DCC: variants seen among roughly 807,000 people sequenced by gnomAD.
The protein encoded by DCC is netrin receptor DCC.
DCC carries 58 observed loss-of-function variants against 172.5 expected under a neutral mutation model. The observed-to-expected ratio is 0.34, with a 90% CI of 0.27 to 0.42. DCC has a LOEUF of 0.42. Among genes scored for constraint, DCC ranks in the 10% least tolerant of loss-of-function variants. DCC has a pLI of 1.00. For missense variants in DCC, 1,740 were observed against 1,791.0 expected (o/e 0.97, Z 0.51); for synonymous variants, 709 against 644.5 (o/e 1.10, Z -1.52).
chr18:53,489,055 A>G (rs1396269065), intron 26 of DCC, among the ~76,000 whole-genome samples: 2 of 151,500 alleles, frequency 1.3e-5, no homozygotes, highest in Non-Finnish European at 2.9e-5. Flanking sequence ...GCTACTCAGG[A>G]GGCTGAGGCA....
chr18:52,601,564 A>G (rs1331154953), intron 1 of DCC, among the ~76,000 whole-genome samples: 10 of 151,986 alleles, frequency 6.6e-5, no homozygotes, highest in Non-Finnish European at 1.5e-4. Flanking sequence ...TCCTAATGCC[A>G]CATAAATATG....
At chr18:53,027,552 A>C (rs1290519155) in intron 5 of DCC, among the ~76,000 whole-genome samples, 4 of 152,180 alleles carry the variant, frequency 2.6e-5, no homozygotes, top group Non-Finnish European at 5.9e-5. Context: ...GTAGAGCTTC[A>C]GGTCCTCTGT....
chr18:53,450,763 C>T (rs2045401368), intron 23 of DCC, 101 bp downstream of exon 23: 2 of 990,962 alleles, frequency 2.0e-6, no homozygotes, highest in East Asian at 5.0e-5. Context: ...CACCCCATGT[C>T]CTTACTTCCT....
intron 1 of DCC, among the ~76,000 whole-genome samples, chr18:52,561,386 C>T (rs2033033878): frequency 7.1e-6 from 1 of 140,160 alleles, no homozygotes; most frequent in Non-Finnish European, 1.5e-5. Context: ...TACCTGCATA[C>T]ACACACACAC....
intron 25 of DCC, among the ~76,000 whole-genome samples, chr18:53,470,881 C>A (rs560349971): frequency 2.0e-5 from 3 of 152,162 alleles, no homozygotes; most frequent in Non-Finnish European, 4.4e-5. Context: ...GATTACAATT[C>A]GAGATGAGAT....
chr18:53,255,995 G>A (rs1243702583), intron 12 of DCC, among the ~76,000 whole-genome samples: 1 of 152,132 alleles, frequency 6.6e-6, no homozygotes, highest in Non-Finnish European at 1.5e-5. Flanking sequence ...GTGTCTTTTG[G>A]CTGAATAAAT....
chr18:52,933,059 T>C (rs757466234), intron 5 of DCC, among the ~76,000 whole-genome samples: 1 of 152,130 alleles, frequency 6.6e-6, no homozygotes, highest in Non-Finnish European at 1.5e-5. Context: ...TTTTGTAAGA[T>C]AGCTGGAAAA....
chr18:52,993,937 A>C (rs1205967734), intron 5 of DCC, among the ~76,000 whole-genome samples: 1 of 151,984 alleles, frequency 6.6e-6, no homozygotes, highest in Non-Finnish European at 1.5e-5. Context: ...TAAGCACCAT[A>C]GCTTATTTTG....
chr18:53,450,787 C>G, intron 23 of DCC, 125 bp downstream of exon 23: 1 of 836,060 alleles, frequency 1.2e-6, no homozygotes, highest in South Asian at 1.4e-5. Flanking sequence ...CCTGGCAAAA[C>G]CTTGCGTTTT....
chr18:52,497,251 A>C (rs1598864794), intron 1 of DCC, among the ~76,000 whole-genome samples: 1 of 81,614 alleles, frequency 1.2e-5, no homozygotes, highest in African/African-American at 4.7e-5. Context: ...ACAGAGTGAG[A>C]CCCTGTATCA....
rs1491427267 is a variant in DCC at position 52,656,001 on chromosome 18, CGT to C, written c.92-96052_92-96051del. On this transcript the variant is annotated intron_variant, in intron 1 of 28. Transcript: ENST00000442544. The stretch of plus-strand genomic sequence containing the variant: ...GTGTGTGTGTGTATATATATATGTG[CGT>C]ATATATATATGTGTGTATATATATG... 8.1e-5 allele frequency among the ~76,000 whole-genome samples: 10 copies of C among 124,146 alleles called. No homozygotes were observed. In the South Asian group the frequency reaches 1.1e-3, roughly 14 times the overall value. 81.4% of individuals were successfully genotyped at this position (124,146 alleles called of 152,430 possible).
intron 1 of DCC, among the ~76,000 whole-genome samples, chr18:52,443,094 T>C (rs1988019334): frequency 6.6e-6 from 1 of 152,102 alleles, no homozygotes; most frequent in African/African-American, 2.4e-5. Flanking sequence ...TAATAACTAC[T>C]ATACTGATGA....
At chr18:52,676,150 A>C (rs954759833) in intron 1 of DCC, among the ~76,000 whole-genome samples, 3 of 152,208 alleles carry the variant, frequency 2.0e-5, no homozygotes, top group Non-Finnish European at 4.4e-5. Flanking sequence ...AGGAAACAGG[A>C]AGACTCCACA....
chr18:53,035,857 A>G (rs769460634), intron 5 of DCC, among the ~76,000 whole-genome samples: 6 of 151,778 alleles, frequency 4.0e-5, no homozygotes, highest in Non-Finnish European at 7.4e-5. Flanking sequence ...GGACATCCTT[A>G]TACACACTTC....
intron 25 of DCC, among the ~76,000 whole-genome samples, chr18:53,480,287 C>T (rs1488021266): frequency 6.6e-6 from 1 of 152,164 alleles, no homozygotes; most frequent in Non-Finnish European, 1.5e-5. Context: ...CTGTGGCAAG[C>T]ACTAAGCCAG....
chr18:52,635,163 T>C (rs1190011873), intron 1 of DCC, among the ~76,000 whole-genome samples: 4 of 152,198 alleles, frequency 2.6e-5, no homozygotes, highest in African/African-American at 7.2e-5. Context: ...TAGTTTATCA[T>C]TGTCAGGAAA....
intron 5 of DCC, among the ~76,000 whole-genome samples, chr18:52,931,094 T>C (rs1251702761): frequency 2.0e-5 from 3 of 152,066 alleles, no homozygotes; most frequent in African/African-American, 7.2e-5. Flanking sequence ...TTATAACTAC[T>C]CTAGAAGGCA....
At chr18:53,065,163 G>T (rs1227908057) in intron 6 of DCC, among the ~76,000 whole-genome samples, 1 of 152,138 alleles carries the variant, frequency 6.6e-6, no homozygotes, top group Non-Finnish European at 1.5e-5. Flanking sequence ...AAGTTAGCCA[G>T]TTTTATCAAA....
intron 14 of DCC, among the ~76,000 whole-genome samples, chr18:53,329,127 A>G (rs1399056524): frequency 6.6e-6 from 1 of 152,190 alleles, no homozygotes; most frequent in African/African-American, 2.4e-5. Context: ...TTTTTTAAAA[A>G]AATATTATAG....
Sources: allele counts gnomAD v4.1 joint callset (sites outside exome capture counted in the v4.1 genomes callset), GRCh38; gene constraint gnomAD v4.1.1; transcripts MANE v1.5; gene names NCBI Gene and HGNC (gene_info 2026-07-23, HGNC 2026-07-21).